PLCXD1: variants seen among roughly 807,000 people sequenced by gnomAD.
The protein encoded by PLCXD1 is PI-PLC X domain-containing protein 1.
A neutral mutation model predicts 37.8 loss-of-function variants in PLCXD1; 45 were observed. The ratio of observed to expected loss-of-function variants is 1.19; its 90% CI spans 0.94 to 1.53. The LOEUF is 1.53. Among genes scored for constraint, PLCXD1 ranks in the 40% most tolerant of loss-of-function variants. PLCXD1 has a pLI of 0.00. For synonymous variants in PLCXD1, 246 were observed against 206.9 expected (o/e 1.19, Z -1.62); for missense variants, 539 against 454.7 (o/e 1.19, Z -1.69).
upstream of PLCXD1, chrX:281,245 G>C (rs913202996): frequency 4.4e-6 from 1 of 229,416 alleles, no homozygotes; most frequent in Non-Finnish European, 8.7e-6. Context: ...GGGACCCGGA[G>C]CCGCGGTACA....
rs1371411425 is a variant in PLCXD1, at chrX:300,621, T to G, written c.*1286T>G. The G allele has an allele frequency of 6.6e-6, 1 of 151,912 alleles. No homozygotes were observed. The highest frequency in any genetic ancestry group is 6.6e-5 in the Admixed American group (1 of 15,172). The allele number at this position is 151,912 out of a possible 1,614,324, so 9.4% of individuals were successfully genotyped here. On this transcript the variant is annotated 3_prime_UTR_variant, in exon 7 of 7. Coordinates refer to ENST00000381657, the MANE Select transcript of PLCXD1 (RefSeq NM_018390.4). ...GTATATGTGTGTATGCGTGTATACGTGTATGTATACATGTATATGTGTGTA... is the reference window on the plus strand; with the variant it reads ...GTATATGTGTGTATGCGTGTATACGGGTATGTATACATGTATATGTGTGTA...
chrX:286,293 G>A (rs971765084), intron 2 of PLCXD1, among the ~76,000 whole-genome samples: 5 of 152,024 alleles, frequency 3.3e-5, no homozygotes, highest in African/African-American at 1.2e-4. Flanking sequence ...TCGAACTCCC[G>A]ACCTCAGGCA....
In PLCXD1 at chrX:299,634, G is replaced by A; in HGVS notation, c.*299G>A. 1 of 505,408 alleles carries A rather than the reference G, an allele frequency of 2.0e-6. No homozygotes were observed. The highest frequency in any genetic ancestry group is 3.6e-6 in the Non-Finnish European group (1 of 281,356). The allele number at this position is 505,408 out of a possible 1,614,324, so 31.3% of individuals were successfully genotyped here. On this transcript the variant is annotated 3_prime_UTR_variant, in exon 7 of 7. Transcript: ENST00000381657. ...TTAGCTGGGTGTGTGGCAGGCGCCTGTAGTCCCAGTTACTCGGGAGGCTCA... is the reference window on the plus strand; with the variant it reads ...TTAGCTGGGTGTGTGGCAGGCGCCTATAGTCCCAGTTACTCGGGAGGCTCA...
chrX:282,263 T>C (rs1194160599), intron 1 of PLCXD1, among the ~76,000 whole-genome samples: 5 of 151,856 alleles, frequency 3.3e-5, no homozygotes, highest in African/African-American at 9.7e-5. Context: ...ACGCCTGTAA[T>C]CCCAGCTACT....
upstream of PLCXD1, among the ~76,000 whole-genome samples, chrX:279,292 G>A (rs1203984264): frequency 6.6e-6 from 1 of 152,168 alleles, no homozygotes; most frequent in Non-Finnish European, 1.5e-5. Flanking sequence ...GGCTGCTCCA[G>A]ACTTCTTGGC....
intron 6 of PLCXD1, among the ~76,000 whole-genome samples, chrX:296,324 C>T (rs1468584667): frequency 1.3e-5 from 2 of 151,918 alleles, no homozygotes; most frequent in Non-Finnish European, 2.9e-5. Flanking sequence ...AGGGTTTCAG[C>T]GTGTTGGTCA....
chrX:289,799 C>G (rs1176898277), intron 3 of PLCXD1, among the ~76,000 whole-genome samples: 1 of 152,102 alleles, frequency 6.6e-6, no homozygotes, highest in African/African-American at 2.4e-5. Flanking sequence ...GCGTCAGCCA[C>G]CGCGCCCGGC....
At chrX:294,731 A>G (rs914046835) in intron 6 of PLCXD1, among the ~76,000 whole-genome samples, 2 of 150,736 alleles carry the variant, frequency 1.3e-5, no homozygotes, top group African/African-American at 2.4e-5. Context: ...TTGAACCAGG[A>G]AGGCGGAGGT....
intron 2 of PLCXD1, among the ~76,000 whole-genome samples, chrX:287,023 AG>A (rs1291335557): frequency 6.6e-6 from 1 of 151,846 alleles, no homozygotes; most frequent in African/African-American, 2.4e-5. Flanking sequence ...CACGTTCCTC[AG>A]GGGATTTAAA....
intron 6 of PLCXD1, among the ~76,000 whole-genome samples, chrX:294,242 G>GGA (rs1352358291): frequency 1.3e-5 from 2 of 152,214 alleles, no homozygotes; most frequent in Admixed American, 1.3e-4. Flanking sequence ...CAGCACTTCG[G>GGA]GAGGCCGAGG....
Position 299,791 on chromosome X carries a change from C to G in PLCXD1, c.*456C>G. The G allele has an allele frequency of 5.9e-6, 1 of 168,330 alleles. No homozygotes were observed. The highest frequency in any genetic ancestry group is 6.0e-5 in the Admixed American group (1 of 16,790). 10.4% of individuals were successfully genotyped at this position (168,330 alleles called of 1,614,324 possible). ...AAAAACAGCCGAGTGTGCAGTGACTCACGCCTGTCATCCCAGCACTTTGGG... is the reference window on the plus strand; with the variant it reads ...AAAAACAGCCGAGTGTGCAGTGACTGACGCCTGTCATCCCAGCACTTTGGG... On this transcript the variant is annotated 3_prime_UTR_variant, in exon 7 of 7. Transcript: ENST00000381657.
In PLCXD1 at chrX:281,419, G is replaced by T. The variant is rs769176928; in HGVS notation, c.-287G>T. ...GGGAAGATCTGAGTTCATGTAGCTG[G>T]TGTTGGCTTAGGGTCTGGGAGGAAG... On this transcript the variant is annotated 5_prime_UTR_variant, in exon 1 of 7. Coordinates refer to ENST00000381657, the MANE Select transcript of PLCXD1 (RefSeq NM_018390.4). 6.5e-6 allele frequency: 1 copy of T among 154,560 alleles called. No individual in the cohort carries two copies. The highest frequency in any genetic ancestry group is 2.4e-5 in the African/African-American group (1 of 41,392). The allele number at this position is 154,560 out of a possible 1,614,324, so 9.6% of individuals were successfully genotyped here.
At chrX:297,477 G>A (rs1488023700) in intron 6 of PLCXD1, among the ~76,000 whole-genome samples, 1 of 69,976 alleles carries the variant, frequency 1.4e-5, no homozygotes, top group Admixed American at 1.2e-4. Flanking sequence ...CTCCCACATG[G>A]GGATTAGGAC....
chrX:289,632 C>G (rs1260452327), intron 3 of PLCXD1, among the ~76,000 whole-genome samples: 1 of 151,440 alleles, frequency 6.6e-6, no homozygotes, highest in Non-Finnish European at 1.5e-5. Context: ...CTGTCTCAGC[C>G]TCCTGAGTAG....
rs2070025482 is a variant in PLCXD1 at position 301,817 on chromosome X, GGTTTCACC to G, written c.*2483_*2490del. 1 of 152,160 alleles carries G rather than the reference GGTTTCACC, an allele frequency of 6.6e-6. No individual in the cohort carries two copies. Among genetic ancestry groups the G allele is most frequent in the African/African-American group, 2.4e-5 (1 of 41,410 alleles). The allele number at this position is 152,160 out of a possible 1,614,324, so 9.4% of individuals were successfully genotyped here. A position where few individuals can be genotyped will look rare whatever the true frequency, so the allele number is the denominator to read the frequency against. On this transcript the variant is annotated 3_prime_UTR_variant, in exon 7 of 7. Transcript: ENST00000381657. ...ACTTTTGTATTTTTAGCAGAGATGG[GGTTTCACC>G]ATGTTGCCCAGGCTGGTCTTGAACT...
chrX:280,242 C>T (rs2069234375), upstream of PLCXD1, among the ~76,000 whole-genome samples: 1 of 151,986 alleles, frequency 6.6e-6, no homozygotes, highest in South Asian at 2.1e-4. Context: ...CTGGGATGCT[C>T]CAGGCAGATC....
chrX:294,258 G>T (rs765006364), intron 6 of PLCXD1, among the ~76,000 whole-genome samples: 61 of 152,312 alleles, frequency 4.0e-4, no homozygotes, highest in African/African-American at 1.3e-3. Context: ...CGAGGCGGGC[G>T]GATCATGAGG....
chrX:283,711 G>T (rs1299914920), intron 1 of PLCXD1: 1 of 153,290 alleles, frequency 6.5e-6, no homozygotes. Flanking sequence ...AGGGCAAGAG[G>T]GCAACGGTGG....
At chrX:290,176 C>T (rs950056838) in intron 3 of PLCXD1, among the ~76,000 whole-genome samples, 2 of 151,932 alleles carry the variant, frequency 1.3e-5, no homozygotes, top group African/African-American at 4.8e-5. Context: ...GCCTGTAATC[C>T]CAGCACTTTG....
Sources: gnomAD v4.1 joint callset for allele counts (sites outside exome capture counted in the v4.1 genomes callset) on GRCh38, gnomAD v4.1.1 for gene constraint, MANE v1.5 for transcripts, NCBI Gene and HGNC (gene_info 2026-07-23, HGNC 2026-07-21) for gene names.